The following AUH variants were observed in gnomAD, a reference collection of about 807,000 sequenced individuals.
AUH encodes the protein AU RNA binding methylglutaconyl-CoA hydratase.
Under a neutral mutation model 42.3 loss-of-function variants are expected in AUH, and 29 were observed. The observed-to-expected ratio is 0.69, with a 90% CI of 0.51 to 0.93. The LOEUF (loss-of-function observed/expected upper bound fraction) is 0.93. AUH is among the 40% of genes least tolerant of loss of function. The pLI, the probability that AUH is intolerant of heterozygous loss-of-function variation, is 0.00. For synonymous variants in AUH, 174 were observed against 166.4 expected, an observed-to-expected ratio of 1.05 and a Z score of -0.35; for missense variants, 452 against 438.1, an observed-to-expected ratio of 1.03 and a Z score of -0.28.
intron 3 of AUH, among the ~76,000 whole-genome samples, chr9:91,353,816 G>A (rs1233087767): frequency 3.4e-4 from 27 of 80,462 alleles, no homozygotes; most frequent in African/African-American, 1.3e-3. Context: ...GCAAGACTCC[G>A]TCTCAAAAAA....
chr9:91,288,421 C>T (rs1826590865), intron 6 of AUH, among the ~76,000 whole-genome samples: 2 of 152,086 alleles, frequency 1.3e-5, no homozygotes, highest in African/African-American at 4.8e-5. Context: ...AATGTAAATG[C>T]TTTCTTAAAG....
intron 4 of AUH, among the ~76,000 whole-genome samples, chr9:91,316,852 G>A (rs1309466723): frequency 6.6e-6 from 1 of 152,124 alleles, no homozygotes; most frequent in East Asian, 1.9e-4. Flanking sequence ...TTTATAGTAT[G>A]TTTTCATGAA....
chr9:91,220,557 TG>T, intron 7 of AUH, among the ~76,000 whole-genome samples: 1 of 152,282 alleles, frequency 6.6e-6, no homozygotes, highest in South Asian at 2.1e-4. Context: ...TGACAAGCAT[TG>T]TCAAGGGATA....
intron 3 of AUH, among the ~76,000 whole-genome samples, chr9:91,340,462 ATC>A (rs1564118005): frequency 6.6e-6 from 1 of 152,136 alleles, no homozygotes; most frequent in Non-Finnish European, 1.5e-5. Context: ...GACTACCTCC[ATC>A]TCTTTCAACC....
intron 6 of AUH, among the ~76,000 whole-genome samples, chr9:91,257,809 A>G (rs1829487976): frequency 6.6e-6 from 1 of 152,210 alleles, no homozygotes; most frequent in African/African-American, 2.4e-5. Flanking sequence ...CGCTGTAAGT[A>G]TATTATCCAG....
intron 4 of AUH, among the ~76,000 whole-genome samples, chr9:91,307,703 G>A (rs1409267596): frequency 3.3e-5 from 5 of 152,030 alleles, no homozygotes; most frequent in Non-Finnish European, 5.9e-5. Flanking sequence ...AGTTATTGTT[G>A]CTAATATCTT....
intron 6 of AUH, among the ~76,000 whole-genome samples, chr9:91,254,791 A>T (rs1829321887): frequency 6.6e-6 from 1 of 152,202 alleles, no homozygotes; most frequent in South Asian, 2.1e-4. Flanking sequence ...AACTAACAAA[A>T]ATCCTAAATG....
At chr9:91,310,373 C>T (rs957080911) in intron 4 of AUH, among the ~76,000 whole-genome samples, 5 of 152,192 alleles carry the variant, frequency 3.3e-5, no homozygotes, top group Non-Finnish European at 7.4e-5. Flanking sequence ...TACAGTATGG[C>T]TAACATGTTT....
chr9:91,288,972 G>A (rs1176921824), intron 6 of AUH, among the ~76,000 whole-genome samples: 1 of 152,024 alleles, frequency 6.6e-6, no homozygotes, highest in African/African-American at 2.4e-5. Flanking sequence ...CAAAGCTCAG[G>A]TAAAGAAAAC....
intron 3 of AUH, among the ~76,000 whole-genome samples, chr9:91,353,362 G>A (rs1832139938): frequency 6.6e-6 from 1 of 152,074 alleles, no homozygotes; most frequent in Admixed American, 6.5e-5. Context: ...TGGAATTACA[G>A]GCATGAGCCA....
chr9:91,284,902 C>T (rs1826276775), intron 6 of AUH, among the ~76,000 whole-genome samples: 1 of 152,266 alleles, frequency 6.6e-6, no homozygotes, highest in Admixed American at 6.5e-5. Context: ...GACAGTGTGG[C>T]AATTCCTCAG....
intron 6 of AUH, among the ~76,000 whole-genome samples, chr9:91,276,246 T>A (rs1230521076): frequency 1.3e-5 from 2 of 152,048 alleles, no homozygotes; most frequent in African/African-American, 2.4e-5. Flanking sequence ...CTGGCCAACA[T>A]GGTGAAACCC....
chr9:91,218,928 T>TA (rs1292495586), intron 7 of AUH: 13 of 985,230 alleles, frequency 1.3e-5, no homozygotes, highest in African/African-American at 1.7e-5. Flanking sequence ...AACATCTTCT[T>TA]ATACATCAAC....
intron 6 of AUH, among the ~76,000 whole-genome samples, chr9:91,231,187 C>A (rs893597717): frequency 1.3e-5 from 2 of 152,170 alleles, no homozygotes; most frequent in Non-Finnish European, 2.9e-5. Context: ...GACTGCTGTG[C>A]TAGCAATCAG....
chr9:91,248,761 T>A (rs188112859), intron 6 of AUH, among the ~76,000 whole-genome samples: 1 of 152,094 alleles, frequency 6.6e-6, no homozygotes, highest in East Asian at 1.9e-4. Context: ...CACAACAACA[T>A]TATAAAGGAA....
At chr9:91,342,337 C>A (rs901938683) in intron 3 of AUH, among the ~76,000 whole-genome samples, 48 of 152,136 alleles carry the variant, frequency 3.2e-4, no homozygotes, top group Non-Finnish European at 8.8e-5. Context: ...TTACATTGGG[C>A]CCAGTGGATA....
intron 4 of AUH, among the ~76,000 whole-genome samples, chr9:91,313,408 G>GAAGAGCCA (rs1828862218): frequency 6.6e-6 from 1 of 152,076 alleles, no homozygotes; most frequent in Non-Finnish European, 1.5e-5. Context: ...TCTTCTCTCA[G>GAAGAGCCA]AAAATGAACA....
intron 6 of AUH, among the ~76,000 whole-genome samples, chr9:91,241,594 A>G (rs1294001973): frequency 6.6e-6 from 1 of 152,158 alleles, no homozygotes. Context: ...ATGAACATGA[A>G]TACATAAGCC....
In AUH at chr9:91,325,350, A is replaced by T. The variant is rs750201941; in HGVS notation, c.473T>A (p.Val158Asp). Residue 158 changes from valine (V) to aspartate (D), a missense_variant, in exon 4 of 10, where the codon GTC becomes GAC. Val to Asp is a radical substitution (Grantham distance 152). Transcript: ENST00000375731. Reference sequence around the variant, plus strand: ...GTTAATCACTGCTCTTATTTTGGAGACAAAAGGACCAACTTCACTGGAACT... The same window carrying T: ...GTTAATCACTGCTCTTATTTTGGAGTCAAAAGGACCAACTTCACTGGAACT... The part of the protein sequence containing the change: ...KMSSSEVGPF[V>D]SKIRAVINDI... 12 of 1,613,780 alleles carry T rather than the reference A, an allele frequency of 7.4e-6. No individual in the cohort carries two copies. The highest frequency in any genetic ancestry group is 1.3e-5 in the African/African-American group (1 of 74,922).
Sources: gnomAD v4.1 joint callset for allele counts (sites outside exome capture counted in the v4.1 genomes callset) on GRCh38, gnomAD v4.1.1 for gene constraint, MANE v1.5 for transcripts, NCBI Gene and HGNC (gene_info 2026-07-23, HGNC 2026-07-21) for gene names.